WDR41: variants seen among roughly 807,000 people sequenced by gnomAD.
WDR41 encodes WD repeat-containing protein 41.
A neutral mutation model predicts 69.3 loss-of-function variants in WDR41; 63 were observed. That is an observed-to-expected ratio of 0.91 (90% CI 0.74 to 1.12). The LOEUF is 1.12. Among genes scored for constraint, WDR41 ranks in the 50% most tolerant of loss-of-function variants. The pLI is 0.00. For synonymous variants in WDR41, 185 were observed against 192.1 expected (o/e 0.96, Z 0.31); for missense variants, 543 against 534.5 (o/e 1.02, Z -0.16).
At chr5:77,570,192 A>T (rs922342326) in intron 1 of WDR41, among the ~76,000 whole-genome samples, 1 of 152,028 alleles carries the variant, frequency 6.6e-6, no homozygotes, top group Admixed American at 6.6e-5. Context: ...TAACAGTGTG[A>T]CTTTCACCTG....
chr5:77,593,130 G>C (rs941022084), intron 1 of WDR41, among the ~76,000 whole-genome samples: 1 of 152,176 alleles, frequency 6.6e-6, no homozygotes, highest in Admixed American at 6.6e-5. Context: ...GAGAACAGTG[G>C]GTAGAGTGCA....
rs545424532 is a variant in WDR41 at position 77,551,960 on chromosome 5, C to T, written c.43-62388G>A. On this transcript the variant is annotated intron_variant, in intron 1 of 5. Coordinates refer to the WDR41 transcript ENST00000509971. ...TGCCACTGCACTCCAGCCTGGGCAA[C>T]AGAGCAAGACTCTGTCTCAAAAAAT... 3.3e-4 allele frequency among the ~76,000 whole-genome samples: 49 copies of T among 148,802 alleles called. No homozygotes were observed. The South Asian group carries it at 5.7e-3, about 17-fold the overall frequency.
At chr5:77,466,696 G>T (rs758579949) in intron 2 of WDR41, among the ~76,000 whole-genome samples, 7 of 151,544 alleles carry the variant, frequency 4.6e-5, no homozygotes, top group Non-Finnish European at 7.4e-5. Context: ...TCTAAATAAG[G>T]CTCAATAGTA....
At chr5:77,506,159 A>G (rs1207618690) in intron 1 of WDR41, among the ~76,000 whole-genome samples, 1 of 152,254 alleles carries the variant, frequency 6.6e-6, no homozygotes, top group Non-Finnish European at 1.5e-5. Context: ...GCTAATATCC[A>G]GAATCTACAA....
At chr5:77,612,126 G>A (rs1459172866) in intron 1 of WDR41, among the ~76,000 whole-genome samples, 2 of 152,166 alleles carry the variant, frequency 1.3e-5, no homozygotes, top group Non-Finnish European at 2.9e-5. Flanking sequence ...CCAATAACAG[G>A]CTCTGAAATT....
At chr5:77,481,813 C>T (rs935776939) in intron 2 of WDR41, among the ~76,000 whole-genome samples, 2 of 147,910 alleles carry the variant, frequency 1.4e-5, no homozygotes, top group Admixed American at 6.7e-5. Context: ...AAAAAAGAGC[C>T]ATATCTGGTA....
intron 2 of WDR41, among the ~76,000 whole-genome samples, chr5:77,478,690 C>G (rs1251573148): frequency 6.6e-6 from 1 of 151,888 alleles, no homozygotes; most frequent in African/African-American, 2.4e-5. Context: ...ATAATAAGAG[C>G]TATCTATGAC....
intron 1 of WDR41, among the ~76,000 whole-genome samples, chr5:77,553,376 AG>A (rs1459929842): frequency 6.6e-6 from 1 of 152,152 alleles, no homozygotes. Flanking sequence ...AAGGGCAAAA[AG>A]GGCCTAAGCT....
rs1434431694 is a variant in WDR41 at position 77,565,592 on chromosome 5, TG to T, written c.42+54886del. On this transcript the variant is annotated intron_variant, in intron 1 of 5. Transcript: ENST00000509971. ...AAAGAGAAAGAAATTGGTGATAGAT[TG>T]ACTATAAGGGATTTAAAAGGGAAAA... Among the ~76,000 whole-genome samples the T allele has an allele frequency of 1.2e-4, 18 of 152,050 alleles. 1 individual carries two copies. Among genetic ancestry groups the T allele is most frequent in the Admixed American group, 1.2e-3 (18 of 15,270 alleles).
At chr5:77,444,635 A>G (rs1377763482) in intron 8 of WDR41, among the ~76,000 whole-genome samples, 1 of 152,222 alleles carries the variant, frequency 6.6e-6, no homozygotes, top group Non-Finnish European at 1.5e-5. Context: ...GCAACTGGCC[A>G]TATCTTTCAT....
intron 1 of WDR41, among the ~76,000 whole-genome samples, chr5:77,516,656 A>G (rs766948889): frequency 6.6e-6 from 1 of 152,224 alleles, no homozygotes; most frequent in Non-Finnish European, 1.5e-5. Flanking sequence ...AATAGCACCT[A>G]TGTTCAAACA....
chr5:77,490,541 T>C (rs889695099), intron 1 of WDR41, among the ~76,000 whole-genome samples: 19 of 152,156 alleles, frequency 1.2e-4, no homozygotes, highest in Admixed American at 1.2e-3. Flanking sequence ...TACAACTCAA[T>C]TAGATTTATA....
chr5:77,587,290 C>A (rs1744058849), intron 1 of WDR41, among the ~76,000 whole-genome samples: 1 of 152,186 alleles, frequency 6.6e-6, no homozygotes, highest in Admixed American at 6.5e-5. Context: ...ACAAATAATA[C>A]TTCCCTAAAC....
At chr5:77,433,337 T>C (rs1798801613) in intron 12 of WDR41, 50 bp from the exon 13 acceptor site, 1 of 1,557,164 alleles carries the variant, frequency 6.4e-7, no homozygotes, top group Non-Finnish European at 8.7e-7. Flanking sequence ...AGCAGAGAAG[T>C]GTCTAATACC....
intron 2 of WDR41, among the ~76,000 whole-genome samples, chr5:77,473,106 A>G (rs1800711249): frequency 6.6e-6 from 1 of 152,180 alleles, no homozygotes; most frequent in Non-Finnish European, 1.5e-5. Context: ...ATATAGACCA[A>G]TGGAATAGAA....
At chr5:77,492,426 C>T, upstream of WDR41, 1 of 587,888 alleles carries the variant, frequency 1.7e-6, no homozygotes, top group Non-Finnish European at 2.8e-6. Context: ...GCCACGGAGG[C>T]TTAGTTTGGG....
At position 77,433,298 on chromosome 5, in the gene WDR41, A is replaced by G. The variant is rs764770935; in HGVS notation, c.1228-11T>C. The stretch of plus-strand genomic sequence containing the variant: ...AAAGTATAGAAACATCTGTAAAGAA[A>G]ATTAAAACTGATTATAGGGACCCCG... On this transcript the variant is annotated splice_polypyrimidine_tract_variant and intron_variant, in intron 12 of 12. Transcript: ENST00000296679. 3 of 1,607,958 alleles carry G rather than the reference A, an allele frequency of 1.9e-6. No individual in the cohort carries two copies. Among genetic ancestry groups the G allele is most frequent in the Admixed American group, 3.4e-5 (2 of 58,472 alleles).
At chr5:77,517,631 C>CGTATATATATATATATATAT (rs1279821785) in intron 1 of WDR41, among the ~76,000 whole-genome samples, 1 of 141,138 alleles carries the variant, frequency 7.1e-6, no homozygotes, top group African/African-American at 2.7e-5. Flanking sequence ...ATTTATTGAA[C>CGTATATATATATATATATAT]ATATATATAT....
At chr5:77,576,827 G>A (rs12523106) in intron 1 of WDR41, among the ~76,000 whole-genome samples, 5 of 152,122 alleles carry the variant, frequency 3.3e-5, no homozygotes, top group East Asian at 1.9e-4. Context: ...GGTTAATAAC[G>A]TCACTCTCAG....
Sources: allele counts gnomAD v4.1 joint callset (sites outside exome capture counted in the v4.1 genomes callset), GRCh38; gene constraint gnomAD v4.1.1; transcripts MANE v1.5; gene names NCBI Gene and HGNC (gene_info 2026-07-23, HGNC 2026-07-21).